The following CAST variants were observed in gnomAD, a reference collection of about 807,000 sequenced individuals.
CAST encodes MIR583 host.
CAST carries 76 observed loss-of-function variants against 119.6 expected under a neutral mutation model. The observed-to-expected ratio is 0.64, with a 90% CI of 0.53 to 0.77. CAST has a LOEUF of 0.77. CAST is among the 30% of genes least tolerant of loss of function. The probability of loss-of-function intolerance (pLI) is 0.00; values close to 1 mark genes in which losing one functional copy is unlikely to be tolerated. For synonymous variants in CAST, 319 were observed against 331.6 expected, an observed-to-expected ratio of 0.96 and a Z score of 0.41; for missense variants, 953 against 946.5, an observed-to-expected ratio of 1.01 and a Z score of -0.09.
At chr5:96,298,032 A>T in the CAST span, among the ~76,000 whole-genome samples, 1 of 152,218 alleles carries the variant, frequency 6.6e-6, no homozygotes. Context: ...TACCACATAT[A>T]CAGATCTGTT....
the CAST span, among the ~76,000 whole-genome samples, chr5:96,238,998 T>C: frequency 6.6e-6 from 1 of 152,146 alleles, no homozygotes; most frequent in African/African-American, 2.4e-5. Flanking sequence ...TTTCCAAACT[T>C]CCTTTCAGAT....
chr5:96,626,847 A>G (rs1747734111), intron 1 of CAST, among the ~76,000 whole-genome samples: 1 of 152,238 alleles, frequency 6.6e-6, no homozygotes, highest in South Asian at 2.1e-4. Context: ...CAAGAGCTCC[A>G]TCAACATTTG....
At chr5:96,131,619 C>T in the CAST span, among the ~76,000 whole-genome samples, 1 of 152,038 alleles carries the variant, frequency 6.6e-6, no homozygotes, top group Non-Finnish European at 1.5e-5. Flanking sequence ...TTGGGATCAC[C>T]GTAACCTACT....
At chr5:96,756,148 C>T (rs1490250115) in intron 22 of CAST, among the ~76,000 whole-genome samples, 1 of 152,118 alleles carries the variant, frequency 6.6e-6, no homozygotes, top group Admixed American at 6.5e-5. Context: ...TGGTATTCAC[C>T]AGCTATGTTC....
At chr5:96,613,074 C>T (rs1747391867) in intron 1 of CAST, among the ~76,000 whole-genome samples, 1 of 152,160 alleles carries the variant, frequency 6.6e-6, no homozygotes, top group African/African-American at 2.4e-5. Context: ...ATCACTGTGC[C>T]AATAGCACAC....
At chr5:96,033,984 G>A in the CAST span, among the ~76,000 whole-genome samples, 48 of 152,208 alleles carry the variant, frequency 3.2e-4, no homozygotes, top group African/African-American at 1.1e-3. Flanking sequence ...ATTAAAAAAT[G>A]CAGAAGCTGG....
chr5:96,641,584 A>G (rs1580856062), intron 1 of CAST, among the ~76,000 whole-genome samples: 1 of 152,178 alleles, frequency 6.6e-6, no homozygotes, highest in South Asian at 2.1e-4. Flanking sequence ...GACCCTTACG[A>G]CCTCACAGCC....
At chr5:96,663,223 G>A (rs562058659) in intron 1 of CAST, 9 of 702,584 alleles carry the variant, frequency 1.3e-5, no homozygotes, top group Admixed American at 2.0e-5. Context: ...TTGGAAGGGA[G>A]TGTGTTTGCT....
the CAST span, among the ~76,000 whole-genome samples, chr5:96,118,493 A>G: frequency 1.3e-5 from 2 of 152,174 alleles, no homozygotes; most frequent in African/African-American, 4.8e-5. Flanking sequence ...CTGAGCAAAA[A>G]ATGCAAAAGG....
rs752200007 is a variant in CAST, at chr5:96,746,405, TAC to T, written c.1266_1267del (p.Tyr422Ter). On this transcript the variant is annotated frameshift_variant, in exon 17 of 32. Coordinates refer to ENST00000675179, the MANE Select transcript of CAST (RefSeq NM_001750.7). LOFTEE classifies it high-confidence loss of function. Reference protein sequence around the residue: ...GEDDETIPSEYRLKPATDKDG... With the variant: ...GEDDETIPSEXRLKPATDKDG... ...GGATGATGAAACAATCCCATCTGAGTACAGATTAAAACCAGCCACGGTAAATT... is the reference window on the plus strand; with the variant it reads ...GGATGATGAAACAATCCCATCTGAGTAGATTAAAACCAGCCACGGTAAATT... 1.1e-5 allele frequency: 18 copies of T among 1,608,498 alleles called. No individual in the cohort carries two copies. Among genetic ancestry groups the T allele is most frequent in the Non-Finnish European group, 1.4e-5 (17 of 1,174,870 alleles).
the CAST span, among the ~76,000 whole-genome samples, chr5:96,334,954 G>A: frequency 1.3e-5 from 2 of 152,156 alleles, no homozygotes; most frequent in Non-Finnish European, 2.9e-5. Flanking sequence ...TAGGAACAGA[G>A]CTCCACTCAC....
the CAST span, among the ~76,000 whole-genome samples, chr5:96,297,559 A>G: frequency 6.6e-6 from 1 of 151,984 alleles, no homozygotes; most frequent in South Asian, 2.1e-4. Flanking sequence ...AACTCTATCA[A>G]CCCATGGCAC....
chr5:96,691,637 A>G (rs1447896853), intron 2 of CAST, among the ~76,000 whole-genome samples: 3 of 152,106 alleles, frequency 2.0e-5, no homozygotes, highest in African/African-American at 7.2e-5. Flanking sequence ...AGTCCTCAGG[A>G]TATGTTGTAA....
the CAST span, among the ~76,000 whole-genome samples, chr5:96,435,022 T>G: frequency 2.6e-5 from 4 of 152,186 alleles, no homozygotes; most frequent in African/African-American, 9.7e-5. Flanking sequence ...GATGGCTGGG[T>G]AAGCTGTCTT....
At chr5:96,503,710 C>A in the CAST span, among the ~76,000 whole-genome samples, 2 of 152,192 alleles carry the variant, frequency 1.3e-5, no homozygotes, top group Middle Eastern at 3.2e-3. Flanking sequence ...CTGATAGTCT[C>A]ACTTGAGGGA....
At chr5:96,740,311 AGATT>A (rs2150511474) in intron 12 of CAST, among the ~76,000 whole-genome samples, 193 bp downstream of exon 12, 1 of 152,228 alleles carries the variant, frequency 6.6e-6, no homozygotes, top group African/African-American at 2.4e-5. Flanking sequence ...CATAAACAAG[AGATT>A]GATTGTCTCA....
the CAST span, among the ~76,000 whole-genome samples, chr5:96,049,910 A>AAAAAAAAAAAAAAAAAAAAAAAC: frequency 6.7e-6 from 1 of 149,006 alleles, no homozygotes; most frequent in Non-Finnish European, 1.5e-5. Flanking sequence ...AAAAAAAAAA[A>AAAAAAAAAAAAAAAAAAAAAAAC]AAAAAAAGAA....
the CAST span, among the ~76,000 whole-genome samples, chr5:96,258,263 G>A: frequency 2.6e-5 from 4 of 152,244 alleles, no homozygotes; most frequent in African/African-American, 4.8e-5. Flanking sequence ...GGACATGATC[G>A]TGGGTTTGGT....
At chr5:96,476,335 A>G in the CAST span, among the ~76,000 whole-genome samples, 2 of 152,022 alleles carry the variant, frequency 1.3e-5, no homozygotes, top group African/African-American at 4.8e-5. Context: ...CATTTTCTCC[A>G]TTTTTATGCT....
Sources: allele counts gnomAD v4.1 joint callset (sites outside exome capture counted in the v4.1 genomes callset), GRCh38; gene constraint gnomAD v4.1.1; transcripts MANE v1.5; gene names NCBI Gene and HGNC (gene_info 2026-07-23, HGNC 2026-07-21).